The following SLC4A4 variants were observed in gnomAD, a reference collection of about 807,000 sequenced individuals.
SLC4A4 encodes the protein electrogenic sodium bicarbonate cotransporter 1.
In SLC4A4, 27 loss-of-function variants were observed where a neutral mutation model predicts 111.5. The observed-to-expected ratio is 0.24, with a 90% CI of 0.18 to 0.33. The LOEUF is 0.33. Among genes scored for constraint, SLC4A4 ranks in the 10% least tolerant of loss-of-function variants. The probability of loss-of-function intolerance (pLI) is 1.00; values close to 1 mark genes in which losing one functional copy is unlikely to be tolerated. For synonymous variants in SLC4A4, 443 were observed against 463.4 expected, an observed-to-expected ratio of 0.96 and a Z score of 0.57; for missense variants, 909 against 1,315.5, an observed-to-expected ratio of 0.69 and a Z score of 4.78.
intron 2 of SLC4A4, among the ~76,000 whole-genome samples, chr4:71,161,359 ATTG>A (rs971620367): frequency 8.5e-5 from 13 of 152,076 alleles, no homozygotes; most frequent in Non-Finnish European, 1.8e-4. Flanking sequence ...GCTATATCCT[ATTG>A]TTGTGTTTTA....
intron 24 of SLC4A4, 145 bp downstream of exon 24, chr4:71,564,034 A>T (rs1307462480): frequency 1.5e-6 from 1 of 647,420 alleles, no homozygotes; most frequent in Non-Finnish European, 2.8e-6. Context: ...ATTATAATAA[A>T]ACTTTGTTTT....
intron 6 of SLC4A4, among the ~76,000 whole-genome samples, chr4:71,382,342 G>T (rs1360074391): frequency 1.3e-5 from 2 of 152,164 alleles, no homozygotes; most frequent in Non-Finnish European, 1.5e-5. Flanking sequence ...GATGAGGACT[G>T]CAGGGACCAA....
chr4:71,408,833 G>A (rs1579033490), intron 7 of SLC4A4, among the ~76,000 whole-genome samples: 1 of 152,238 alleles, frequency 6.6e-6, no homozygotes, highest in African/African-American at 2.4e-5. Flanking sequence ...TGGTTTGGCT[G>A]TGTCCCCACC....
At chr4:71,378,680 A>G (rs1578960854) in intron 6 of SLC4A4, among the ~76,000 whole-genome samples, 2 of 152,218 alleles carry the variant, frequency 1.3e-5, no homozygotes, top group African/African-American at 4.8e-5. Context: ...AGCTACAGAT[A>G]TCAATTTCAA....
intron 3 of SLC4A4, among the ~76,000 whole-genome samples, chr4:71,265,137 GT>G (rs1227175202): frequency 6.6e-6 from 1 of 152,152 alleles, no homozygotes; most frequent in African/African-American, 2.4e-5. Flanking sequence ...CATCTAAGCA[GT>G]TAATACAATA....
chr4:71,197,598 T>G (rs1409545118), intron 1 of SLC4A4, among the ~76,000 whole-genome samples: 1 of 152,148 alleles, frequency 6.6e-6, no homozygotes, highest in African/African-American at 2.4e-5. Context: ...CTTCCCCCAA[T>G]GAACACCACT....
At chr4:71,552,616 T>C (rs115790635) in intron 20 of SLC4A4, among the ~76,000 whole-genome samples, 2,494 of 151,996 alleles carry the variant, frequency 0.016, 35 homozygotes, top group Non-Finnish European at 0.027. Flanking sequence ...TTAACTCCTA[T>C]TTTGATTTTA....
chr4:71,293,494 C>T (rs1027193802), intron 3 of SLC4A4, among the ~76,000 whole-genome samples: 1 of 150,632 alleles, frequency 6.6e-6, no homozygotes, highest in Non-Finnish European at 1.5e-5. Flanking sequence ...ACCCGGGAGG[C>T]GGAGGTTGCA....
At chr4:71,134,837 C>G (rs10518084) in intron 2 of SLC4A4, among the ~76,000 whole-genome samples, 9 of 152,280 alleles carry the variant, frequency 5.9e-5, no homozygotes, top group Admixed American at 1.3e-4. Context: ...AGGGTAGTGT[C>G]TGGAGAGCTC....
At chr4:71,150,904 A>G (rs533566169) in intron 2 of SLC4A4, among the ~76,000 whole-genome samples, 18 of 152,266 alleles carry the variant, frequency 1.2e-4, no homozygotes, top group African/African-American at 4.3e-4. Context: ...TTATGGTTCA[A>G]TCAGGTATGT....
At chr4:71,307,198 T>C (rs887241353) in intron 3 of SLC4A4, among the ~76,000 whole-genome samples, 1 of 152,226 alleles carries the variant, frequency 6.6e-6, no homozygotes, top group Non-Finnish European at 1.5e-5. Context: ...GCCTTAATTA[T>C]AAGGAACTTA....
At chr4:71,255,107 G>A in intron 2 of SLC4A4, 113 bp from the exon 3 acceptor site, 1 of 1,047,352 alleles carries the variant, frequency 9.5e-7, no homozygotes, top group South Asian at 1.3e-5. Flanking sequence ...GCCAAATATA[G>A]AATGGTAACG....
chr4:71,448,049 G>T (rs1725392838), intron 9 of SLC4A4, among the ~76,000 whole-genome samples: 1 of 152,106 alleles, frequency 6.6e-6, no homozygotes, highest in Non-Finnish European at 1.5e-5. Context: ...GCTGGGCATG[G>T]TGGCTCACGC....
chr4:71,360,924 G>A (rs1353185423), intron 6 of SLC4A4, among the ~76,000 whole-genome samples: 7 of 152,022 alleles, frequency 4.6e-5, no homozygotes, highest in African/African-American at 1.2e-4. Flanking sequence ...AATTTATTGA[G>A]CAAAAAGGAA....
At chr4:71,409,973 T>C (rs998524930) in intron 7 of SLC4A4, among the ~76,000 whole-genome samples, 2 of 152,230 alleles carry the variant, frequency 1.3e-5, no homozygotes, top group African/African-American at 2.4e-5. Context: ...CCTTGGCAGC[T>C]TCCACATGGT....
At chr4:71,343,924 C>T (rs1054959647) in intron 4 of SLC4A4, among the ~76,000 whole-genome samples, 3 of 151,626 alleles carry the variant, frequency 2.0e-5, no homozygotes, top group South Asian at 2.1e-4. Flanking sequence ...CCCTGAACCC[C>T]CACAGTTATC....
chr4:71,231,901 TAGCA>T (rs1719453080), intron 1 of SLC4A4, among the ~76,000 whole-genome samples: 2 of 152,148 alleles, frequency 1.3e-5, no homozygotes, highest in Non-Finnish European at 2.9e-5. Flanking sequence ...TTACTAATAA[TAGCA>T]AGCAACTGCT....
At chr4:71,177,836 A>G (rs1367853453) in intron 2 of SLC4A4, among the ~76,000 whole-genome samples, 1 of 152,224 alleles carries the variant, frequency 6.6e-6, no homozygotes, top group Non-Finnish European at 1.5e-5. Context: ...GACCTAATAG[A>G]TATCTACGGA....
chr4:71,361,002 A>C (rs549155892), intron 6 of SLC4A4, among the ~76,000 whole-genome samples: 1 of 152,274 alleles, frequency 6.6e-6, no homozygotes, highest in Admixed American at 6.5e-5. Context: ...TTGCAGATTG[A>C]ATCCCAGGTA....
Sources: allele counts gnomAD v4.1 joint callset (sites outside exome capture counted in the v4.1 genomes callset), GRCh38; gene constraint gnomAD v4.1.1; transcripts MANE v1.5; gene names NCBI Gene and HGNC (gene_info 2026-07-23, HGNC 2026-07-21).